The following PSPH variants were observed in gnomAD, a reference collection of about 807,000 sequenced individuals.
The protein encoded by PSPH is phosphoserine phosphatase.
A neutral mutation model predicts 23.4 loss-of-function variants in PSPH; 16 were observed. The observed-to-expected ratio is 0.68, with a 90% CI of 0.46 to 1.04. The LOEUF (loss-of-function observed/expected upper bound fraction) is 1.04, where lower values mean the gene tolerates loss of function less well. Among genes scored for constraint, PSPH ranks in the 50% least tolerant of loss-of-function variants. PSPH has a pLI of 0.00. For missense variants in PSPH, 223 were observed against 273.7 expected, an observed-to-expected ratio of 0.81 and a Z score of 1.31; for synonymous variants, 68 against 99.7, an observed-to-expected ratio of 0.68 and a Z score of 1.89.
At chr7:56,042,297 T>C (rs1792658079) in intron 1 of PSPH, among the ~76,000 whole-genome samples, 1 of 141,258 alleles carries the variant, frequency 7.1e-6, no homozygotes. Flanking sequence ...AATACAAATA[T>C]AGAGATTCAT....
chr7:56,049,062 C>T (rs867602040), intron 1 of PSPH, among the ~76,000 whole-genome samples: 2 of 151,724 alleles, frequency 1.3e-5, no homozygotes, highest in Admixed American at 1.3e-4. Flanking sequence ...TGGAACTACA[C>T]GCACCCGCCA....
intron 1 of PSPH, among the ~76,000 whole-genome samples, chr7:56,047,512 C>T (rs1793405473): frequency 6.6e-6 from 1 of 152,038 alleles, no homozygotes; most frequent in Admixed American, 6.6e-5. Context: ...AGAAAAACTA[C>T]TAACTTTAAA....
At chr7:56,048,205 A>G (rs1793506396) in intron 1 of PSPH, among the ~76,000 whole-genome samples, 1 of 151,110 alleles carries the variant, frequency 6.6e-6, no homozygotes, top group Non-Finnish European at 1.5e-5. Context: ...CTTGAACCCG[A>G]GGAGGCGGAG....
At chr7:56,019,492 T>C (rs548700332) in intron 5 of PSPH, 108 bp downstream of exon 5, 1 of 1,358,284 alleles carries the variant, frequency 7.4e-7, no homozygotes, top group African/African-American at 1.5e-5. Context: ...AAAATGAAAA[T>C]AAATAAACCA....
intron 1 of PSPH, among the ~76,000 whole-genome samples, chr7:56,048,634 C>G (rs1027389247): frequency 1.3e-5 from 2 of 151,962 alleles, no homozygotes; most frequent in Admixed American, 6.6e-5. Flanking sequence ...CTGTTTTTTA[C>G]AAATTCCTTC....
At chr7:56,043,013 A>T (rs1792754238) in intron 1 of PSPH, 1 of 152,196 alleles carries the variant, frequency 6.6e-6, no homozygotes, top group African/African-American at 2.4e-5. Flanking sequence ...CACGCTTGTA[A>T]TCCCAGCACT....
chr7:56,046,600 C>G (rs1423070218), intron 1 of PSPH, among the ~76,000 whole-genome samples: 3 of 152,030 alleles, frequency 2.0e-5, no homozygotes, highest in Non-Finnish European at 2.9e-5. Context: ...GCCTGGCCAA[C>G]ATGGTGAAGC....
At chr7:56,037,607 G>GGA (rs1247541791) in intron 1 of PSPH, among the ~76,000 whole-genome samples, 1 of 151,766 alleles carries the variant, frequency 6.6e-6, no homozygotes, top group Non-Finnish European at 1.5e-5. Flanking sequence ...TAGAGTCTGG[G>GGA]TCTCATTGGT....
In PSPH at chr7:56,019,727, G is replaced by C. The variant is rs1326344145; in HGVS notation, c.148C>G (p.Arg50Gly). Residue 50 changes from arginine to glycine, a missense_variant, in exon 5 of 8, where the codon CGA (arginine) becomes GGA (glycine). By Grantham distance (125) the Arg-to-Gly change is moderately radical. Transcript: ENST00000275605. The part of the protein sequence containing the change: ...VEDAVSEMTR[R>G]AMGGAVPFKA... The stretch of plus-strand genomic sequence containing the variant: ...AAAGGCACTGCCCCGCCCATGGCTC[G>C]CCGTGTCCTAGGAGGGAGACCCAAC... The C allele has an allele frequency of 6.2e-7, 1 of 1,613,246 alleles. No individual in the cohort carries two copies. Among genetic ancestry groups the C allele is most frequent in the Non-Finnish European group, 8.5e-7 (1 of 1,179,828 alleles).
chr7:56,015,901 G>C (rs1025202008), intron 6 of PSPH, among the ~76,000 whole-genome samples: 2 of 151,060 alleles, frequency 1.3e-5, no homozygotes, highest in Admixed American at 6.6e-5. Flanking sequence ...CAGGTGATCA[G>C]ACTTGCCTCG....
intron 1 of PSPH, chr7:56,043,344 C>A (rs1792797132): frequency 6.6e-6 from 1 of 151,510 alleles, no homozygotes; most frequent in African/African-American, 2.4e-5. Context: ...ACGAAGATAA[C>A]CCAAACATTA....
At position 56,045,849 on chromosome 7, in the gene PSPH, T is replaced by C. The variant is rs1793155330; in HGVS notation, c.-292+5289A>G. Among the ~76,000 whole-genome samples, 3 of 144,424 alleles carry C rather than the reference T, an allele frequency of 2.1e-5. No individual in the cohort carries two copies. The Admixed American group carries it at 2.2e-4, about 11-fold the overall frequency. The allele number at this position is 144,424 out of a possible 152,430, so 94.7% of individuals were successfully genotyped here. On this transcript the variant is annotated intron_variant, in intron 1 of 7. Coordinates refer to ENST00000275605, the MANE Select transcript of PSPH (RefSeq NM_004577.4). ...CTGCAATGAGCCAAGATCATGCCAC[T>C]GCACTCTAGCCTGGGTGACAGAGCA... is the stretch of plus-strand genomic sequence containing the variant.
At position 56,011,795 on chromosome 7, in the gene PSPH, A is replaced by G; in HGVS notation, c.645T>C (p.Asp215=). The change falls in exon 8 of 8, where the codon GAT becomes GAC. Residue 215 remains aspartate (D), a synonymous_variant. Transcript: ENST00000275605. ...CCAGTTCTCCCAGCAGCTCTACAAA[A>G]TCAGTGATATACCATTTGGCGTTAT... ...VKDNAKWYIT[D]FVELLGELEE 6.2e-7 allele frequency: 1 copy of G among 1,613,520 alleles called. No individual in the cohort carries two copies. Among genetic ancestry groups the G allele is most frequent in the Non-Finnish European group, 8.5e-7 (1 of 1,179,486 alleles).
rs111338271 is a variant in PSPH, at chr7:56,014,778, T to C, written c.570+245A>G. Among the ~76,000 whole-genome samples the C allele has an allele frequency of 7.2e-3, 1,101 of 152,234 alleles. 11 individuals are homozygous for C. Among genetic ancestry groups the C allele is most frequent in the African/African-American group, 0.025 (1,024 of 41,542 alleles). On this transcript the variant is annotated intron_variant, in intron 7 of 7. Transcript: ENST00000275605. Reference sequence around the variant, plus strand: ...GGCCAACGTGGCGAAACATTGTCTCTACTAAAAATACAAAACTTAGCTGGC... The same window carrying C: ...GGCCAACGTGGCGAAACATTGTCTCCACTAAAAATACAAAACTTAGCTGGC...
At chr7:56,012,152 G>C (rs1398052614) in intron 7 of PSPH, among the ~76,000 whole-genome samples, 1 of 151,128 alleles carries the variant, frequency 6.6e-6, no homozygotes, top group Non-Finnish European at 1.5e-5. Flanking sequence ...CAAAGTGCTG[G>C]GATTACAGGT....
chr7:56,042,218 C>CA (rs34436132), intron 1 of PSPH, among the ~76,000 whole-genome samples: 4,204 of 65,946 alleles, frequency 0.064, 239 homozygotes, highest in African/African-American at 0.19. Context: ...GATTCTGTCT[C>CA]AAAAAAAAAA....
intron 3 of PSPH, among the ~76,000 whole-genome samples, chr7:56,027,978 G>C (rs1183220567): frequency 6.7e-6 from 1 of 149,228 alleles, no homozygotes; most frequent in Non-Finnish European, 1.5e-5. Context: ...AGGATGGCTT[G>C]AGTCCAGGAG....
chr7:56,019,337 G>C (rs1332864360), intron 5 of PSPH, among the ~76,000 whole-genome samples: 2 of 151,904 alleles, frequency 1.3e-5, no homozygotes, highest in Non-Finnish European at 2.9e-5. Context: ...TACTCGGGAG[G>C]CTGAGGCAGG....
intron 1 of PSPH, among the ~76,000 whole-genome samples, chr7:56,050,072 C>T (rs1023858244): frequency 2.6e-5 from 4 of 151,956 alleles, no homozygotes; most frequent in African/African-American, 9.7e-5. Flanking sequence ...ATAATAAATC[C>T]GCATGCACAC....
Sources: allele counts gnomAD v4.1 joint callset (sites outside exome capture counted in the v4.1 genomes callset), GRCh38; gene constraint gnomAD v4.1.1; transcripts MANE v1.5; gene names NCBI Gene and HGNC (gene_info 2026-07-23, HGNC 2026-07-21).